Variants in MAP9 observed in about 807,000 individuals in gnomAD.
MAP9 encodes microtubule-associated protein 9.
In MAP9, 80 loss-of-function variants were observed where a neutral mutation model predicts 75.2. That is an observed-to-expected ratio of 1.06 (90% CI 0.89 to 1.28). The LOEUF (loss-of-function observed/expected upper bound fraction) is 1.28, where lower values mean the gene tolerates loss of function less well. Among genes scored for constraint, MAP9 ranks in the 50% most tolerant of loss-of-function variants. MAP9 has a pLI of 0.00. For missense variants in MAP9, 753 were observed against 719.9 expected (o/e 1.05, Z -0.53); for synonymous variants, 235 against 237.3 (o/e 0.99, Z 0.09).
In MAP9 at chr4:155,355,105, A is replaced by C; in HGVS notation, c.1346T>G (p.Ile449Ser). The C allele has an allele frequency of 7.1e-7, 1 of 1,413,218 alleles. No homozygotes were observed. The highest frequency in any genetic ancestry group is 1.3e-5 in the South Asian group (1 of 74,666). 87.5% of individuals were successfully genotyped at this position (1,413,218 alleles called of 1,614,324 possible). A position where few individuals can be genotyped will look rare whatever the true frequency, so the allele number is the denominator to read the frequency against. ...TTGGATCCTTAAGTTTTCACTTTCA[A>C]TTCTTTTTATTCTGTGCATTTCATG... ...YLHEMHRIKR[I>S]ESENLRIQNE... The change falls in exon 10 of 14, where the codon ATT (isoleucine) becomes AGT (serine). Residue 449 changes from isoleucine to serine, a missense_variant. Ile to Ser is a moderately radical substitution (Grantham distance 142). Coordinates refer to ENST00000311277, the MANE Select transcript of MAP9 (RefSeq NM_001039580.2).
At chr4:155,368,450 C>T in intron 5 of MAP9, 136 bp downstream of exon 5, 1 of 716,566 alleles carries the variant, frequency 1.4e-6, no homozygotes, top group East Asian at 2.7e-5. Flanking sequence ...AAAATTATTT[C>T]CTTATCAGTT....
intron 8 of MAP9, among the ~76,000 whole-genome samples, chr4:155,356,626 G>A (rs75046030): frequency 6.6e-6 from 1 of 152,104 alleles, no homozygotes; most frequent in Admixed American, 6.6e-5. Context: ...ATCTATATCA[G>A]GGATTGGTGG....
At chr4:155,376,731 C>T (rs761303762) in intron 1 of MAP9, 40 bp downstream of exon 1, 1 of 153,180 alleles carries the variant, frequency 6.5e-6, no homozygotes, top group Non-Finnish European at 1.5e-5. Flanking sequence ...CTCCGCGACC[C>T]TGAGAATCAA....
intron 4 of MAP9, among the ~76,000 whole-genome samples, chr4:155,370,839 A>G (rs1732562314): frequency 6.6e-6 from 1 of 152,252 alleles, no homozygotes; most frequent in Admixed American, 6.5e-5. Context: ...ATGAATAATC[A>G]GAACATTTAT....
intron 3 of MAP9, 57 bp downstream of exon 3, chr4:155,374,880 C>G: frequency 8.2e-7 from 1 of 1,224,726 alleles, no homozygotes; most frequent in South Asian, 1.6e-5. Flanking sequence ...TGGCTAAATA[C>G]AAAACTAAGG....
intron 2 of MAP9, 73 bp downstream of exon 2, chr4:155,375,703 C>G: frequency 1.0e-6 from 1 of 965,422 alleles, no homozygotes; most frequent in Non-Finnish European, 1.6e-6. Context: ...TAGGACTGTT[C>G]TAGAATCACC....
At chr4:155,352,553 G>T in intron 13 of MAP9, 43 bp downstream of exon 13, 1 of 1,539,860 alleles carries the variant, frequency 6.5e-7, no homozygotes, top group Non-Finnish European at 8.8e-7. Context: ...AGACACAAAA[G>T]GTACATGAAA....
At position 155,346,986 on chromosome 4, in the gene MAP9, G is replaced by A. The variant is rs1731309152; in HGVS notation, c.*797C>T. The A allele has an allele frequency of 6.6e-6, 1 of 152,260 alleles. No individual in the cohort carries two copies. The highest frequency in any genetic ancestry group is 2.4e-5 in the African/African-American group (1 of 41,426). The allele number at this position is 152,260 out of a possible 1,614,324, so 9.4% of individuals were successfully genotyped here. On this transcript the variant is annotated 3_prime_UTR_variant, in exon 14 of 14. Transcript: ENST00000311277. ...TAAATCACCTTTATGGCTTTAGTCAGGAAAATAATTATAGTGATAATGACC... is the reference window on the plus strand; with the variant it reads ...TAAATCACCTTTATGGCTTTAGTCAAGAAAATAATTATAGTGATAATGACC...
chr4:155,353,241 C>T lies in MAP9; in HGVS notation c.1480G>A (p.Glu494Lys). Residue 494 changes from glutamate to lysine, a missense_variant, in exon 11 of 14, where the codon GAA becomes AAA. Coordinates refer to ENST00000311277, the MANE Select transcript of MAP9 (RefSeq NM_001039580.2). ...AKKIAAKKRL[E>K]EKNKKKTEEE... ...TCAGTTTTCTTCTTGTTTTTTTCTT[C>T]AAGCCTCTTTTTGGCAGCTATTTTC... The T allele has an allele frequency of 6.2e-7, 1 of 1,608,620 alleles. No individual in the cohort carries two copies. The highest frequency in any genetic ancestry group is 1.1e-5 in the South Asian group (1 of 89,910).
chr4:155,372,336 T>G (rs756517751), intron 4 of MAP9, among the ~76,000 whole-genome samples: 22 of 152,170 alleles, frequency 1.4e-4, no homozygotes, highest in Non-Finnish European at 2.6e-4. Flanking sequence ...AAGGTTAACA[T>G]CAACTAATAA....
intron 13 of MAP9, among the ~76,000 whole-genome samples, chr4:155,348,508 A>G (rs893411931): frequency 2.0e-5 from 3 of 152,290 alleles, no homozygotes; most frequent in South Asian, 2.1e-4. Context: ...AGTAACTGTT[A>G]TAAGTTGGTG....
intron 4 of MAP9, among the ~76,000 whole-genome samples, chr4:155,372,152 A>G (rs7655882): frequency 0.094 from 14,287 of 152,214 alleles, 1,655 homozygotes; most frequent in African/African-American, 0.28. Context: ...CTCTGCTTAC[A>G]TCCTTTGCTC....
At position 155,356,684 on chromosome 4, in the gene MAP9, A is replaced by G. The variant is rs190142979; in HGVS notation, c.1121+765T>C. Among the ~76,000 whole-genome samples, 720 of 152,290 alleles carry G rather than the reference A, an allele frequency of 4.7e-3. 6 individuals are homozygous for G. The highest frequency in any genetic ancestry group is 0.016 in the African/African-American group (675 of 41,564). ...TTTGATATACAAAGTTTATTGCACC[A>G]TAGCTGTAATCATTCATGTTAAGTT... On this transcript the variant is annotated intron_variant, in intron 8 of 13. Transcript: ENST00000311277.
intron 6 of MAP9, chr4:155,361,150 T>A (rs1035067337): frequency 6.6e-6 from 1 of 152,112 alleles, no homozygotes; most frequent in Non-Finnish European, 1.5e-5. Flanking sequence ...CTGTGAAAAG[T>A]CTTAATTCTG....
At chr4:155,354,717 G>A (rs912745611) in intron 10 of MAP9, among the ~76,000 whole-genome samples, 2 of 152,036 alleles carry the variant, frequency 1.3e-5, no homozygotes, top group African/African-American at 2.4e-5. Flanking sequence ...CATCTGCCTT[G>A]GCCTCCCAAA....
intron 9 of MAP9, 87 bp downstream of exon 9, chr4:155,355,629 C>A: frequency 1.0e-6 from 1 of 960,502 alleles, no homozygotes. Context: ...CCATCATTTT[C>A]TATCAGGATT....
chr4:155,368,992 T>A, intron 4 of MAP9, 180 bp from the exon 5 acceptor site: 1 of 571,786 alleles, frequency 1.7e-6, no homozygotes, highest in South Asian at 2.6e-5. Flanking sequence ...AAATAAATGA[T>A]GGTTAATAAT....
chr4:155,366,089 C>G (rs1425807362), intron 5 of MAP9, among the ~76,000 whole-genome samples: 1 of 152,002 alleles, frequency 6.6e-6, no homozygotes, highest in Non-Finnish European at 1.5e-5. Context: ...GGCCAGGCGC[C>G]GTGGCTCACG....
chr4:155,345,812 A>G lies in MAP9; in HGVS notation c.*1971T>C, dbSNP rs566799169. 1 of 152,274 alleles carries G rather than the reference A, an allele frequency of 6.6e-6. No homozygotes were observed. The highest frequency in any genetic ancestry group is 1.9e-4 in the East Asian group (1 of 5,186). The allele number at this position is 152,274 out of a possible 1,614,324, so 9.4% of individuals were successfully genotyped here. On this transcript the variant is annotated 3_prime_UTR_variant, in exon 14 of 14. Transcript: ENST00000311277. ...TCCATGATCTCACATCCCCAAAAGTAGCTGTACCTTTTTCAGTTTTTTTCC... is the reference window on the plus strand; with the variant it reads ...TCCATGATCTCACATCCCCAAAAGTGGCTGTACCTTTTTCAGTTTTTTTCC...
Sources: allele counts gnomAD v4.1 joint callset (sites outside exome capture counted in the v4.1 genomes callset), GRCh38; gene constraint gnomAD v4.1.1; transcripts MANE v1.5; gene names NCBI Gene and HGNC (gene_info 2026-07-23, HGNC 2026-07-21).